The following EFCAB11 variants were observed in gnomAD, a reference collection of about 807,000 sequenced individuals.
The protein encoded by EFCAB11 is EF-hand calcium binding domain 11.
A neutral mutation model predicts 23.0 loss-of-function variants in EFCAB11; 14 were observed. The ratio of observed to expected loss-of-function variants is 0.61; its 90% CI spans 0.40 to 0.95. EFCAB11 has a LOEUF of 0.95. Ranked by LOEUF, EFCAB11 falls within the 40% of genes least tolerant of loss-of-function variation. The probability of loss-of-function intolerance (pLI) is 0.00; values close to 1 mark genes in which losing one functional copy is unlikely to be tolerated. For synonymous variants in EFCAB11, 65 were observed against 66.6 expected (o/e 0.98, Z 0.11); for missense variants, 198 against 195.8 (o/e 1.01, Z -0.07).
chr14:89,809,973 G>A (rs978118177), intron 5 of EFCAB11, among the ~76,000 whole-genome samples: 2 of 152,278 alleles, frequency 1.3e-5, no homozygotes, highest in Non-Finnish European at 2.9e-5. Context: ...ATGATGACCC[G>A]GATTTTAGAA....
chr14:89,895,216 G>T (rs953950012), intron 5 of EFCAB11, among the ~76,000 whole-genome samples: 1 of 152,140 alleles, frequency 6.6e-6, no homozygotes, highest in African/African-American at 2.4e-5. Flanking sequence ...TTCAGAAAAA[G>T]AATTTTCTGA....
intron 5 of EFCAB11, among the ~76,000 whole-genome samples, chr14:89,880,320 G>A (rs983225121): frequency 2.6e-5 from 4 of 152,108 alleles, no homozygotes; most frequent in African/African-American, 9.7e-5. Flanking sequence ...CACTGAATTT[G>A]CCAGTGAGTG....
At chr14:89,942,918 C>T (rs1012766199) in intron 3 of EFCAB11, among the ~76,000 whole-genome samples, 1 of 152,136 alleles carries the variant, frequency 6.6e-6, no homozygotes, top group Non-Finnish European at 1.5e-5. Flanking sequence ...ATTCGAAGCC[C>T]TTGGGAAGCA....
intron 3 of EFCAB11, among the ~76,000 whole-genome samples, chr14:89,941,520 G>C (rs1209477137): frequency 2.0e-5 from 3 of 151,814 alleles, no homozygotes; most frequent in Non-Finnish European, 4.4e-5. Context: ...GCCACTCTGG[G>C]CAAATTATTT....
At chr14:89,866,687 C>A (rs1394705867) in intron 5 of EFCAB11, among the ~76,000 whole-genome samples, 2 of 152,382 alleles carry the variant, frequency 1.3e-5, no homozygotes, top group Non-Finnish European at 2.9e-5. Context: ...AGAAGCCACC[C>A]CCACTCCAGC....
chr14:89,845,623 G>T lies in EFCAB11; in HGVS notation c.411-48299C>A, dbSNP rs1887406948. Among the ~76,000 whole-genome samples the T allele has an allele frequency of 2.6e-5, 4 of 152,182 alleles. No individual in the cohort carries two copies. The South Asian group carries it at 8.3e-4, about 31-fold the overall frequency. Reference sequence around the variant, plus strand: ...TGCCATTCTTCAGCTCTCTTGTAAGGAGTGCCCAGAGGATTAACTTCTGCG... The same window carrying T: ...TGCCATTCTTCAGCTCTCTTGTAAGTAGTGCCCAGAGGATTAACTTCTGCG... On this transcript the variant is annotated intron_variant, in intron 5 of 5. Transcript: ENST00000316738.
chr14:89,808,543 T>C (rs75191146), intron 5 of EFCAB11, among the ~76,000 whole-genome samples: 2,807 of 152,304 alleles, frequency 0.018, 44 homozygotes, highest in Non-Finnish European at 0.028. Flanking sequence ...CCATTTCTCA[T>C]TGATGCGATG....
intron 5 of EFCAB11, among the ~76,000 whole-genome samples, chr14:89,881,367 A>G (rs1888590277): frequency 6.8e-6 from 1 of 146,734 alleles, no homozygotes; most frequent in Non-Finnish European, 1.5e-5. Flanking sequence ...CAGTTTCTCC[A>G]AAATCCACTC....
At chr14:89,884,929 C>G (rs1051136919) in intron 5 of EFCAB11, among the ~76,000 whole-genome samples, 1 of 152,236 alleles carries the variant, frequency 6.6e-6, no homozygotes, top group Non-Finnish European at 1.5e-5. Context: ...GCCAGGCAGG[C>G]AGCCATCTGC....
chr14:89,805,802 A>G (rs935293424), intron 5 of EFCAB11, among the ~76,000 whole-genome samples: 1 of 152,156 alleles, frequency 6.6e-6, no homozygotes, highest in African/African-American at 2.4e-5. Context: ...ATCCTGACAT[A>G]CAAAGGATTC....
At chr14:89,887,683 C>T (rs1296726665) in intron 5 of EFCAB11, among the ~76,000 whole-genome samples, 1 of 152,020 alleles carries the variant, frequency 6.6e-6, no homozygotes, top group Non-Finnish European at 1.5e-5. Flanking sequence ...ACATATGTAC[C>T]AACCATTTAG....
intron 5 of EFCAB11, among the ~76,000 whole-genome samples, chr14:89,865,905 T>G (rs1161038770): frequency 6.6e-6 from 1 of 152,008 alleles, no homozygotes; most frequent in Non-Finnish European, 1.5e-5. Flanking sequence ...TGACCTCAAG[T>G]GATCTGCCTG....
At chr14:89,824,487 A>G (rs1596384377) in intron 5 of EFCAB11, among the ~76,000 whole-genome samples, 2 of 152,132 alleles carry the variant, frequency 1.3e-5, no homozygotes, top group African/African-American at 4.8e-5. Context: ...AAAACAAATG[A>G]CAAATGAGAG....
chr14:89,800,165 G>A (rs113984191), intron 5 of EFCAB11, among the ~76,000 whole-genome samples: 6,963 of 150,806 alleles, frequency 0.046, 230 homozygotes, highest in East Asian at 0.16. Context: ...CAGCCTGGGC[G>A]AAAAGAGCAA....
At chr14:89,890,572 A>T (rs1293407376) in intron 5 of EFCAB11, among the ~76,000 whole-genome samples, 2 of 152,248 alleles carry the variant, frequency 1.3e-5, no homozygotes, top group Non-Finnish European at 2.9e-5. Context: ...AAGAATTCAC[A>T]TGAGTTTCTG....
At chr14:89,812,509 T>C (rs553741635) in intron 5 of EFCAB11, among the ~76,000 whole-genome samples, 5 of 152,186 alleles carry the variant, frequency 3.3e-5, no homozygotes, top group Admixed American at 3.3e-4. Context: ...GAGAACAAAT[T>C]TGACAACAAG....
chr14:89,908,690 T>C (rs1284387222), intron 5 of EFCAB11, among the ~76,000 whole-genome samples: 1 of 152,214 alleles, frequency 6.6e-6, no homozygotes, highest in African/African-American at 2.4e-5. Flanking sequence ...ACTCAACCTG[T>C]AGCTGGTTCT....
At chr14:89,912,222 C>T (rs1889702621) in intron 5 of EFCAB11, among the ~76,000 whole-genome samples, 12 of 152,014 alleles carry the variant, frequency 7.9e-5, no homozygotes. Context: ...ACTAGAATTC[C>T]TTTTACTCCC....
intron 2 of EFCAB11, among the ~76,000 whole-genome samples, chr14:89,952,062 C>T (rs1374700403): frequency 6.6e-6 from 1 of 152,070 alleles, no homozygotes; most frequent in Non-Finnish European, 1.5e-5. Flanking sequence ...AATTAAACCC[C>T]AAACCTCAAC....
Sources: allele counts gnomAD v4.1 joint callset (sites outside exome capture counted in the v4.1 genomes callset), GRCh38; gene constraint gnomAD v4.1.1; transcripts MANE v1.5; gene names NCBI Gene and HGNC (gene_info 2026-07-23, HGNC 2026-07-21).